CDH8: variants seen among roughly 807,000 people sequenced by gnomAD.
The protein encoded by CDH8 is cadherin-8.
Under a neutral mutation model 68.1 loss-of-function variants are expected in CDH8, and 17 were observed. The ratio of observed to expected loss-of-function variants is 0.25; its 90% CI spans 0.17 to 0.37. The LOEUF is 0.37. Among genes scored for constraint, CDH8 ranks in the 10% least tolerant of loss-of-function variants. CDH8 has a pLI of 1.00. For missense variants in CDH8, 763 were observed against 999.3 expected (o/e 0.76, Z 3.19); for synonymous variants, 372 against 365.1 (o/e 1.02, Z -0.21).
chr16:61,830,415 T>C (rs566822950), intron 4 of CDH8, among the ~76,000 whole-genome samples: 1 of 151,926 alleles, frequency 6.6e-6, no homozygotes, highest in East Asian at 1.9e-4. Context: ...TTCAATAAAA[T>C]GGCATTTCTT....
intron 4 of CDH8, among the ~76,000 whole-genome samples, chr16:61,838,576 T>C (rs1455432873): frequency 6.6e-6 from 1 of 152,138 alleles, no homozygotes; most frequent in African/African-American, 2.4e-5. Context: ...TTAATTTGTT[T>C]ACATTTTCTG....
chr16:61,709,187 T>C (rs1964584433), intron 10 of CDH8, among the ~76,000 whole-genome samples: 1 of 151,970 alleles, frequency 6.6e-6, no homozygotes, highest in African/African-American at 2.4e-5. Context: ...AAGCAGCCTA[T>C]TGTAATAGCA....
chr16:61,986,976 A>C (rs11863646), intron 2 of CDH8, among the ~76,000 whole-genome samples: 1 of 152,022 alleles, frequency 6.6e-6, no homozygotes, highest in African/African-American at 2.4e-5. Context: ...TAATGGAAAA[A>C]CAATGAGAAT....
intron 2 of CDH8, among the ~76,000 whole-genome samples, chr16:61,948,660 C>T (rs906330947): frequency 6.6e-6 from 1 of 152,118 alleles, no homozygotes; most frequent in Non-Finnish European, 1.5e-5. Context: ...TTGAAAGAAA[C>T]AATAGCCCAA....
At chr16:61,707,652 C>T (rs1036600598) in intron 10 of CDH8, among the ~76,000 whole-genome samples, 1 of 152,116 alleles carries the variant, frequency 6.6e-6, no homozygotes, top group Non-Finnish European at 1.5e-5. Flanking sequence ...TGGAATGTCA[C>T]GTATGCCCAA....
intron 8 of CDH8, among the ~76,000 whole-genome samples, chr16:61,764,955 G>A (rs1960551474): frequency 6.6e-6 from 1 of 151,894 alleles, no homozygotes; most frequent in Non-Finnish European, 1.5e-5. Flanking sequence ...TTCTAAACTT[G>A]AAAAATGGGT....
intron 10 of CDH8, among the ~76,000 whole-genome samples, chr16:61,661,781 A>G (rs896205949): frequency 3.3e-5 from 5 of 151,684 alleles, no homozygotes; most frequent in Non-Finnish European, 7.4e-5. Context: ...AATATATCTG[A>G]TCATATTGGG....
intron 8 of CDH8, among the ~76,000 whole-genome samples, chr16:61,745,187 C>G (rs978849535): frequency 2.0e-5 from 3 of 151,026 alleles, no homozygotes; most frequent in Admixed American, 2.0e-4. Context: ...TTCCTTCTGT[C>G]CTTTAAAATG....
In CDH8 at chr16:61,974,717, C is replaced by T. The variant is rs534162278; in HGVS notation, c.252+46435G>A. ...TTTGTTTCAGCGTCTTAAGTGGTAC[C>T]GTTTTCATGGGCAGTAATTCTAGGA... On this transcript the variant is annotated intron_variant, in intron 2 of 11. Transcript: ENST00000577390. 6.5e-4 allele frequency among the ~76,000 whole-genome samples: 99 copies of T among 152,146 alleles called. 1 individual carries two copies. Among genetic ancestry groups the T allele is most frequent in the Non-Finnish European group, 2.2e-4 (15 of 67,994 alleles).
Position 61,717,430 on chromosome 16 carries a change from G to C in CDH8, c.1537-3472C>G, listed in dbSNP as rs958980515. 2.6e-5 allele frequency among the ~76,000 whole-genome samples: 4 copies of C among 151,526 alleles called. No homozygotes were observed. The East Asian group carries it at 7.8e-4, about 29-fold the overall frequency. Reference sequence around the variant, plus strand: ...AACTAGAAAACAATTGTGTGCTACAGTATAATTCTGACCCTTAAAAATCTT... The same window carrying C: ...AACTAGAAAACAATTGTGTGCTACACTATAATTCTGACCCTTAAAAATCTT... On this transcript the variant is annotated intron_variant, in intron 9 of 11. Coordinates refer to ENST00000577390, the MANE Select transcript of CDH8 (RefSeq NM_001796.5).
intron 10 of CDH8, among the ~76,000 whole-genome samples, chr16:61,677,535 T>C (rs894750655): frequency 6.6e-6 from 1 of 151,928 alleles, no homozygotes; most frequent in African/African-American, 2.4e-5. Flanking sequence ...TGCTACTTTA[T>C]ACAGTCAGAA....
At chr16:61,791,103 GAAATA>G (rs1376708604) in intron 7 of CDH8, among the ~76,000 whole-genome samples, 2 of 151,856 alleles carry the variant, frequency 1.3e-5, no homozygotes, top group Non-Finnish European at 2.9e-5. Flanking sequence ...ATTATGAAAT[GAAATA>G]ATAACTGCCC....
chr16:62,017,675 A>T (rs1186920946), intron 2 of CDH8, among the ~76,000 whole-genome samples: 1 of 152,148 alleles, frequency 6.6e-6, no homozygotes, highest in Non-Finnish European at 1.5e-5. Flanking sequence ...ACCTTATCTT[A>T]AAAAGAAACC....
intron 6 of CDH8, 167 bp from the exon 7 acceptor site, chr16:61,817,899 T>C (rs916134328): frequency 5.4e-6 from 3 of 558,828 alleles, no homozygotes; most frequent in Non-Finnish European, 9.2e-6. Context: ...TTTATGGGCA[T>C]TTATTTATGT....
chr16:62,023,333 A>G (rs1445212865), intron 1 of CDH8, among the ~76,000 whole-genome samples: 1 of 152,072 alleles, frequency 6.6e-6, no homozygotes, highest in Non-Finnish European at 1.5e-5. Flanking sequence ...TGTTCTGGAA[A>G]CAGATACACC....
chr16:61,712,864 G>A (rs1035649722), intron 10 of CDH8, among the ~76,000 whole-genome samples: 1 of 151,568 alleles, frequency 6.6e-6, no homozygotes, highest in African/African-American at 2.4e-5. Context: ...GCCATAAAAT[G>A]TTATTTTACT....
chr16:61,953,524 T>C (rs958558635), intron 2 of CDH8, among the ~76,000 whole-genome samples: 1 of 151,826 alleles, frequency 6.6e-6, no homozygotes, highest in African/African-American at 2.4e-5. Context: ...ATGCTAGTTC[T>C]TGTCTCCCAA....
chr16:61,685,806 C>G (rs1266611242), intron 10 of CDH8, among the ~76,000 whole-genome samples: 4 of 151,912 alleles, frequency 2.6e-5, no homozygotes, highest in African/African-American at 9.7e-5. Flanking sequence ...CCATACTTTT[C>G]TTAGAAGATG....
chr16:61,829,934 G>A (rs1962421102), intron 4 of CDH8, among the ~76,000 whole-genome samples: 1 of 151,702 alleles, frequency 6.6e-6, no homozygotes, highest in Non-Finnish European at 1.5e-5. Context: ...AATTGTCCTG[G>A]ATCCTCTTAT....
Sources: allele counts gnomAD v4.1 joint callset (sites outside exome capture counted in the v4.1 genomes callset), GRCh38; gene constraint gnomAD v4.1.1; transcripts MANE v1.5; gene names NCBI Gene and HGNC (gene_info 2026-07-23, HGNC 2026-07-21).